MRRF: variants seen among roughly 807,000 people sequenced by gnomAD.
The protein encoded by MRRF is ribosome-recycling factor, mitochondrial.
Under a neutral mutation model 25.1 loss-of-function variants are expected in MRRF, and 18 were observed. That is an observed-to-expected ratio of 0.72 (90% confidence interval 0.50 to 1.06). MRRF has a LOEUF of 1.06. Among genes scored for constraint, MRRF ranks in the 50% least tolerant of loss-of-function variants. MRRF has a pLI of 0.00. For synonymous variants in MRRF, 113 were observed against 112.1 expected (o/e 1.01, Z -0.05); for missense variants, 323 against 319.3 (o/e 1.01, Z -0.09).
At chr9:122,276,944 T>G (rs539626516) in intron 2 of MRRF, among the ~76,000 whole-genome samples, 1 of 152,304 alleles carries the variant, frequency 6.6e-6, no homozygotes, top group Admixed American at 6.5e-5. Context: ...CACTGCAACC[T>G]TAATCTTCTG....
At chr9:122,272,748 A>G (rs1832539438) in intron 2 of MRRF, among the ~76,000 whole-genome samples, 1 of 152,076 alleles carries the variant, frequency 6.6e-6, no homozygotes, top group Non-Finnish European at 1.5e-5. Flanking sequence ...TTAATGTCAT[A>G]TTTTTTAGTC....
In MRRF at chr9:122,329,846, G is replaced by C. The variant is rs1186186697; in HGVS notation, c.*7229G>C. On this transcript the variant is annotated 3_prime_UTR_variant, in exon 7 of 7. Coordinates refer to ENST00000344641, the MANE Select transcript of MRRF (RefSeq NM_138777.5). ...ATTCCTGGCAAGAAAGTCCCCTGCT[G>C]TCTTAGTCTGTGCATTCTCTGACTA... The C allele has an allele frequency of 6.6e-6, 1 of 152,304 alleles. No homozygotes were observed. Among genetic ancestry groups the C allele is most frequent in the African/African-American group, 2.4e-5 (1 of 41,460 alleles). The allele number at this position is 152,304 out of a possible 1,614,324, so 9.4% of individuals were successfully genotyped here.
chr9:122,327,173 A>G lies in MRRF; in HGVS notation c.*4556A>G, dbSNP rs1836166961. 1 of 152,252 alleles carries G rather than the reference A, an allele frequency of 6.6e-6. No homozygotes were observed. Among genetic ancestry groups the G allele is most frequent in the Non-Finnish European group, 1.5e-5 (1 of 68,054 alleles). The allele number at this position is 152,252 out of a possible 1,614,324, so 9.4% of individuals were successfully genotyped here. On this transcript the variant is annotated 3_prime_UTR_variant, in exon 7 of 7. Coordinates refer to ENST00000344641, the MANE Select transcript of MRRF (RefSeq NM_138777.5). Reference sequence around the variant, plus strand: ...AGCTCTTATGGAGACAGTAAAGATTACATATTAATCCCCCACCTGTTTGGC... The same window carrying G: ...AGCTCTTATGGAGACAGTAAAGATTGCATATTAATCCCCCACCTGTTTGGC...
chr9:122,298,586 G>A (rs535365003), intron 5 of MRRF, among the ~76,000 whole-genome samples: 2 of 152,290 alleles, frequency 1.3e-5, no homozygotes, highest in South Asian at 4.1e-4. Flanking sequence ...CCACTTGTCT[G>A]CTTTTATGAG....
At chr9:122,321,255 C>T (rs760647017) in intron 6 of MRRF, among the ~76,000 whole-genome samples, 76 of 152,020 alleles carry the variant, frequency 5.0e-4, no homozygotes, top group Non-Finnish European at 9.6e-4. Flanking sequence ...ATTTTGTGTC[C>T]TGCTTTTCTT....
intron 2 of MRRF, among the ~76,000 whole-genome samples, chr9:122,274,575 T>TGTGTGTGTG (rs370120203): frequency 6.7e-6 from 1 of 149,898 alleles, no homozygotes; most frequent in Non-Finnish European, 1.5e-5. Flanking sequence ...TGTGTGTGTG[T>TGTGTGTGTG]AGGTAGACTT....
intron 1 of MRRF, among the ~76,000 whole-genome samples, chr9:122,267,658 G>C (rs1832199989): frequency 6.6e-6 from 1 of 152,182 alleles, no homozygotes; most frequent in Non-Finnish European, 1.5e-5. Context: ...AGACTCTAGA[G>C]CTAGATTGAC....
intron 2 of MRRF, among the ~76,000 whole-genome samples, chr9:122,274,050 C>T (rs1832627054): frequency 6.6e-6 from 1 of 152,066 alleles, no homozygotes; most frequent in Non-Finnish European, 1.5e-5. Context: ...CCCCTCCTGT[C>T]CTATTGCCCT....
At chr9:122,272,132 G>T (rs1198601818) in intron 2 of MRRF, among the ~76,000 whole-genome samples, 2 of 152,066 alleles carry the variant, frequency 1.3e-5, no homozygotes, top group East Asian at 3.8e-4. Flanking sequence ...ATTTTCCATT[G>T]AAGAAATCCT....
At position 122,328,045 on chromosome 9, in the gene MRRF, C is replaced by T. The variant is rs908428316; in HGVS notation, c.*5428C>T. ...ATTTCAGTGGCATGATCTCAGCTCA[C>T]TGTAGCCTTGACAACCTGGGCTGAA... On this transcript the variant is annotated 3_prime_UTR_variant, in exon 7 of 7. Transcript: ENST00000344641. The T allele has an allele frequency of 1.3e-5, 2 of 152,098 alleles. No homozygotes were observed. Among genetic ancestry groups the T allele is most frequent in the Non-Finnish European group, 2.9e-5 (2 of 68,054 alleles). 9.4% of individuals were successfully genotyped at this position (152,098 alleles called of 1,614,324 possible). A position where few individuals can be genotyped will look rare whatever the true frequency, so the allele number is the denominator to read the frequency against.
At chr9:122,283,598 G>A (rs1054057093) in intron 3 of MRRF, among the ~76,000 whole-genome samples, 11 of 152,208 alleles carry the variant, frequency 7.2e-5, no homozygotes, top group Non-Finnish European at 1.3e-4. Context: ...GCAACCTTCT[G>A]TCTTATGATG....
At chr9:122,303,424 C>T (rs1392246985) in intron 5 of MRRF, among the ~76,000 whole-genome samples, 4 of 151,932 alleles carry the variant, frequency 2.6e-5, no homozygotes, top group Non-Finnish European at 5.9e-5. Context: ...TACTTTGTCA[C>T]TCAGGCTCGA....
chr9:122,268,070 A>G (rs1832228172), intron 1 of MRRF, among the ~76,000 whole-genome samples: 1 of 152,178 alleles, frequency 6.6e-6, no homozygotes, highest in Admixed American at 6.5e-5. Flanking sequence ...TTCAACTTTA[A>G]TTCTTTATCT....
chr9:122,315,283 C>T lies in MRRF; in HGVS notation c.711+1897C>T, dbSNP rs550410492. On this transcript the variant is annotated intron_variant, in intron 6 of 6. Coordinates refer to ENST00000344641, the MANE Select transcript of MRRF (RefSeq NM_138777.5). ...CCTCCTGTAGCTGGGATAACAGATG[C>T]GTCCAGCTGGAATGTATAGTTTTAA... Among the ~76,000 whole-genome samples, 5 of 152,202 alleles carry T rather than the reference C, an allele frequency of 3.3e-5. No individual in the cohort carries two copies. In the East Asian group the frequency reaches 9.7e-4, roughly 29 times the overall value.
chr9:122,285,903 A>G, intron 4 of MRRF: 1 of 1,295,764 alleles, frequency 7.7e-7, no homozygotes, highest in East Asian at 5.6e-5. Flanking sequence ...TAGACTGACC[A>G]TTGCAGAATA....
At chr9:122,265,179 A>G (rs1831987996) in intron 1 of MRRF, among the ~76,000 whole-genome samples, 1 of 152,224 alleles carries the variant, frequency 6.6e-6, no homozygotes, top group Non-Finnish European at 1.5e-5. Context: ...ACTAAAGAGT[A>G]GCCGCACACT....
Position 122,287,659 on chromosome 9 carries a change from A to C in MRRF, c.459+2372A>C, listed in dbSNP as rs553304950. ...TCTTATGAAGCAGGAGGAGATATTA[A>C]CAGCTTAATTTTTTCTTAGGAAGTT... On this transcript the variant is annotated intron_variant, in intron 4 of 6. Transcript: ENST00000344641. Among the ~76,000 whole-genome samples, 6 of 152,328 alleles carry C rather than the reference A, an allele frequency of 3.9e-5. No homozygotes were observed. In the East Asian group the frequency reaches 1.2e-3, roughly 29 times the overall value.
chr9:122,274,005 T>G (rs1202472665), intron 2 of MRRF, among the ~76,000 whole-genome samples: 7 of 152,152 alleles, frequency 4.6e-5, no homozygotes, highest in Admixed American at 4.6e-4. Context: ...CTTGTACATG[T>G]GTTGTGGTGC....
intron 4 of MRRF, among the ~76,000 whole-genome samples, chr9:122,289,672 A>T (rs1485976430): frequency 6.7e-6 from 1 of 148,710 alleles, no homozygotes; most frequent in Non-Finnish European, 1.5e-5. Flanking sequence ...CAGCTCTTTT[A>T]TTACCTTGAG....
Sources: allele counts gnomAD v4.1 joint callset (sites outside exome capture counted in the v4.1 genomes callset), GRCh38; gene constraint gnomAD v4.1.1; transcripts MANE v1.5; gene names NCBI Gene and HGNC (gene_info 2026-07-23, HGNC 2026-07-21).